The following APH1A variants were observed in gnomAD, a reference collection of about 807,000 sequenced individuals.
APH1A encodes the protein aph-1A gamma-secretase subunit, also known as gamma-secretase subunit APH-1A.
In APH1A, 16 loss-of-function variants were observed where a neutral mutation model predicts 30.3. The ratio of observed to expected loss-of-function variants is 0.53; its 90% CI spans 0.36 to 0.80. APH1A has a LOEUF of 0.80. Ranked by LOEUF, APH1A falls within the 30% of genes least tolerant of loss-of-function variation. APH1A has a pLI of 0.01. For missense variants in APH1A, 245 were observed against 337.8 expected, an observed-to-expected ratio of 0.73 and a Z score of 2.15; for synonymous variants, 144 against 140.1, an observed-to-expected ratio of 1.03 and a Z score of -0.20.
At position 150,266,184 on chromosome 1, in the gene APH1A, C is replaced by T; in HGVS notation, c.744G>A (p.Gln248=). ...SIQRSLLCRR[Q]EDSRVMVYSA... is the part of the protein sequence containing the mutation. ...AATACACCATCACCCGACTGTCCTC[C>T]TGCCGTCGGCCTGCAGAGGGGAAGG... Residue 248 remains glutamine (Q), a synonymous_variant, in exon 7 of 7, where the codon CAG becomes CAA. Coordinates refer to ENST00000369109, the MANE Select transcript of APH1A (RefSeq NM_001077628.3). 2 of 1,601,866 alleles carry T rather than the reference C, an allele frequency of 1.2e-6. No individual in the cohort carries two copies. Among genetic ancestry groups the T allele is most frequent in the East Asian group, 4.5e-5 (2 of 44,378 alleles).
At chr1:150,268,349 G>T in intron 1 of APH1A, 1 of 631,658 alleles carries the variant, frequency 1.6e-6, no homozygotes, top group Non-Finnish European at 2.7e-6. Context: ...TCAGAGCGAT[G>T]ACAGCCAGAG....
intron 3 of APH1A, 93 bp downstream of exon 3, chr1:150,267,623 T>A: frequency 6.4e-6 from 10 of 1,572,910 alleles, no homozygotes; most frequent in Non-Finnish European, 5.2e-6. Flanking sequence ...TGAAGGAAAG[T>A]AAGAAGCCAC....
chr1:150,266,891 T>C (rs1572086479), intron 5 of APH1A, 184 bp downstream of exon 5: 1 of 1,134,564 alleles, frequency 8.8e-7, no homozygotes, highest in African/African-American at 1.6e-5. Context: ...TGACTAATCC[T>C]TTCAACCTCC....
In APH1A at chr1:150,268,802, A is replaced by C; in HGVS notation, c.9T>G (p.Ala3=). Residue 3 remains alanine, a synonymous_variant, in exon 1 of 7, where the codon GCT becomes GCG. Transcript: ENST00000369109. The stretch of plus-strand genomic sequence containing the variant: ...CGAAAGTGCAGCCGAAAAACACCGC[A>C]GCCCCCATGGCTGGTCAGGTGGGAA... MG[A]AVFFGCTFVA... is the part of the protein sequence containing the mutation. 6.2e-7 allele frequency: 1 copy of C among 1,612,808 alleles called. No homozygotes were observed. The highest frequency in any genetic ancestry group is 1.3e-5 in the African/African-American group (1 of 75,016).
chr1:150,266,940 G>T (rs112972675), intron 5 of APH1A, 135 bp downstream of exon 5: 1 of 1,384,258 alleles, frequency 7.2e-7, no homozygotes, highest in Non-Finnish European at 9.9e-7. Flanking sequence ...TGAGGTGAGA[G>T]ACCTTGAAAG....
rs781881586 is a variant in APH1A at position 150,267,127 on chromosome 1, C to T, written c.557G>A (p.Arg186Gln). The T allele has an allele frequency of 1.1e-5, 18 of 1,614,042 alleles. No individual in the cohort carries two copies. The highest frequency in any genetic ancestry group is 1.4e-5 in the Non-Finnish European group (17 of 1,180,036). ...VVFFDACERR[R>Q]YWALGLVVGS... ...AACCACCAGGCCCAAAGCCCAGTAC[C>T]GTCTCCTCTCACAGGCATCAAAGAA... Residue 186 changes from arginine to glutamine, a missense_variant, in exon 5 of 7, where the codon CGG (arginine) becomes CAG (glutamine). Physicochemically the swap from Arg to Gln is conservative, Grantham distance 43. Transcript: ENST00000369109.
At chr1:150,267,231 C>T (rs1651801168) in intron 4 of APH1A, 29 bp from the exon 5 acceptor site, 1 of 1,613,660 alleles carries the variant, frequency 6.2e-7, no homozygotes. Context: ...GGAGGAGATA[C>T]ATCCCTGATC....
chr1:150,267,628 A>T, intron 3 of APH1A, 88 bp downstream of exon 3: 1 of 1,572,272 alleles, frequency 6.4e-7, no homozygotes, highest in South Asian at 1.1e-5. Flanking sequence ...GAAAGTAAGA[A>T]GCCACTTAGA....
rs926471902 is a variant in APH1A at position 150,266,543 on chromosome 1, G to A, written c.723C>T (p.Arg241=). 1.1e-5 allele frequency: 18 copies of A among 1,614,152 alleles called. No homozygotes were observed. The highest frequency in any genetic ancestry group is 2.2e-5 in the East Asian group (1 of 44,882). ...TAGGSLRSIQ[R]SLLCRRQEDS... ...GTAGTCAGTCCTTACACAAGAGGCTGCGCTGAATACTTCGGAGGGACCCTC... is the reference window on the plus strand; with the variant it reads ...GTAGTCAGTCCTTACACAAGAGGCTACGCTGAATACTTCGGAGGGACCCTC... The change falls in exon 6 of 7, where the codon CGC becomes CGT. Residue 241 remains arginine (R), a synonymous_variant. Transcript: ENST00000369109.
At position 150,265,499 on chromosome 1, in the gene APH1A, AC is replaced by A. The variant is rs1331123427; in HGVS notation, c.*630del. On this transcript the variant is annotated 3_prime_UTR_variant, in exon 7 of 7. Transcript: ENST00000369109. ...CAGAAAATGATACAGTTTATAGAAA[AC>A]CTCCCCGCCCCTCCCACACCCCAAT... 6.7e-6 allele frequency: 1 copy of A among 150,296 alleles called. No individual in the cohort carries two copies. Among genetic ancestry groups the A allele is most frequent in the Non-Finnish European group, 1.5e-5 (1 of 67,328 alleles). 9.3% of individuals were successfully genotyped at this position (150,296 alleles called of 1,614,324 possible).
intron 1 of APH1A, chr1:150,268,477 G>T: frequency 1.7e-6 from 1 of 602,650 alleles, no homozygotes; most frequent in Non-Finnish European, 2.9e-6. Flanking sequence ...CTTCTCTGAC[G>T]TCGCTGGGAG....
Position 150,267,786 on chromosome 1 carries a change from C to G in APH1A, c.288G>C (p.Lys96Asn). 1 of 1,577,538 alleles carries G rather than the reference C, an allele frequency of 6.3e-7. No individual in the cohort carries two copies. Among genetic ancestry groups the G allele is most frequent in the Non-Finnish European group, 8.6e-7 (1 of 1,156,286 alleles). ...TCAGCGATGCTAACCCCTCATCTGCCTTCCTGGGGTGGGGTGGGGTAGGGG... is the reference window on the plus strand; with the variant it reads ...TCAGCGATGCTAACCCCTCATCTGCGTTCCTGGGGTGGGGTGGGGTAGGGG... ...FRFAYYKLLK[K>N]ADEGLASLSE... Residue 96 changes from lysine to asparagine, a missense_variant, in exon 3 of 7, where the codon AAG becomes AAC. Physicochemically the swap from Lys to Asn is moderately conservative, Grantham distance 94 (BLOSUM62 0). Coordinates refer to ENST00000369109, the MANE Select transcript of APH1A (RefSeq NM_001077628.3).
chr1:150,268,816 G>C lies in APH1A; in HGVS notation c.-6C>G. 1 of 1,610,600 alleles carries C rather than the reference G, an allele frequency of 6.2e-7. No individual in the cohort carries two copies. The highest frequency in any genetic ancestry group is 8.5e-7 in the Non-Finnish European group (1 of 1,178,392). On this transcript the variant is annotated 5_prime_UTR_variant, in exon 1 of 7. Coordinates refer to ENST00000369109, the MANE Select transcript of APH1A (RefSeq NM_001077628.3). ...AAAAACACCGCAGCCCCCATGGCTG[G>C]TCAGGTGGGAAGGGGGGTGGGGGCC... is the stretch of plus-strand genomic sequence containing the variant.
rs1214765359 is a variant in APH1A, at chr1:150,268,957, G to A, written c.-147C>T. On this transcript the variant is annotated 5_prime_UTR_variant, in exon 1 of 7. Transcript: ENST00000369109. The stretch of plus-strand genomic sequence containing the variant: ...ACCCCCAGACCCCGGGGAAGGGGAA[G>A]GGGGGGAACCGAAACCCCAAATGAA... The A allele has an allele frequency of 6.2e-6, 4 of 643,870 alleles. No homozygotes were observed. The highest frequency in any genetic ancestry group is 2.8e-5 in the East Asian group (1 of 35,130). 39.9% of individuals were successfully genotyped at this position (643,870 alleles called of 1,614,324 possible).
chr1:150,265,933 G>A lies in APH1A; in HGVS notation c.*197C>T. ...CCCTCAGGCCTGAGAAAAAGACCAA[G>A]ATGTCCAGTCTTGAGGGAGTACTGA... On this transcript the variant is annotated 3_prime_UTR_variant, in exon 7 of 7. Coordinates refer to ENST00000369109, the MANE Select transcript of APH1A (RefSeq NM_001077628.3). 1.6e-6 allele frequency: 1 copy of A among 627,232 alleles called. No individual in the cohort carries two copies. Among genetic ancestry groups the A allele is most frequent in the Non-Finnish European group, 2.7e-6 (1 of 374,666 alleles). 38.9% of individuals were successfully genotyped at this position (627,232 alleles called of 1,614,324 possible).
At position 150,266,119 on chromosome 1, in the gene APH1A, C is replaced by T; in HGVS notation, c.*11G>A. 6.3e-7 allele frequency: 1 copy of T among 1,588,242 alleles called. No individual in the cohort carries two copies. ...GGGCACCCCAGGCCCAGGGGTCCCC[C>T]CTAGGTTCCCTCAGTCCTCGGGTGG... On this transcript the variant is annotated 3_prime_UTR_variant, in exon 7 of 7. Coordinates refer to ENST00000369109, the MANE Select transcript of APH1A (RefSeq NM_001077628.3).
chr1:150,266,343 G>A (rs1553849872), intron 6 of APH1A, 149 bp from the exon 7 acceptor site: 2 of 1,484,026 alleles, frequency 1.3e-6, no homozygotes, highest in East Asian at 2.5e-5. Context: ...AACCCAGGCT[G>A]CTCCTGGTAA....
In APH1A at chr1:150,268,980, G is replaced by A; in HGVS notation, c.-170C>T. ...AAGGGGGGGAACCGAAACCCCAAATGAAGGTCCGCGCCACTTCCTCTACGG... is the reference window on the plus strand; with the variant it reads ...AAGGGGGGGAACCGAAACCCCAAATAAAGGTCCGCGCCACTTCCTCTACGG... On this transcript the variant is annotated 5_prime_UTR_variant, in exon 1 of 7. Coordinates refer to ENST00000369109, the MANE Select transcript of APH1A (RefSeq NM_001077628.3). 1 of 580,650 alleles carries A rather than the reference G, an allele frequency of 1.7e-6. No homozygotes were observed. The highest frequency in any genetic ancestry group is 2.9e-5 in the East Asian group (1 of 34,130). The allele number at this position is 580,650 out of a possible 1,614,324, so 36.0% of individuals were successfully genotyped here.
At chr1:150,266,728 CT>C in intron 5 of APH1A, 72 bp from the exon 6 acceptor site, 1 of 1,518,738 alleles carries the variant, frequency 6.6e-7, no homozygotes, top group Non-Finnish European at 9.0e-7. Context: ...CTCTCTGTAC[CT>C]TTCTGACTCC....
Sources: allele counts gnomAD v4.1 joint callset, GRCh38; gene constraint gnomAD v4.1.1; transcripts MANE v1.5; gene names NCBI Gene and HGNC (gene_info 2026-07-23, HGNC 2026-07-21).